Variants in KDM4C observed in about 807,000 individuals in gnomAD.
KDM4C encodes lysine-specific demethylase 4C.
KDM4C carries 81 observed loss-of-function variants against 129.3 expected under a neutral mutation model. The observed-to-expected ratio is 0.63, with a 90% CI of 0.52 to 0.75. The LOEUF is 0.75. KDM4C is among the 30% of genes least tolerant of loss of function. KDM4C has a pLI of 0.00. For missense variants in KDM4C, 1,457 were observed against 1,304.0 expected (o/e 1.12, Z -1.81); for synonymous variants, 573 against 456.1 (o/e 1.26, Z -3.26).
chr9:7,067,657 G>C (rs571006020), intron 17 of KDM4C, among the ~76,000 whole-genome samples: 3 of 152,140 alleles, frequency 2.0e-5, no homozygotes, highest in Non-Finnish European at 4.4e-5. Flanking sequence ...TCAAAGGCCT[G>C]TTGTTTTAGT....
At chr9:7,157,519 A>T (rs1185393976) in intron 19 of KDM4C, among the ~76,000 whole-genome samples, 1 of 152,162 alleles carries the variant, frequency 6.6e-6, no homozygotes, top group Non-Finnish European at 1.5e-5. Context: ...TTATTTTGAG[A>T]TACATGCCAT....
At chr9:6,773,660 G>T (rs920962222) in intron 1 of KDM4C, among the ~76,000 whole-genome samples, 3 of 151,810 alleles carry the variant, frequency 2.0e-5, no homozygotes, top group African/African-American at 7.3e-5. Context: ...AATCCCAGCT[G>T]CTCAGGTCGC....
chr9:7,016,940 A>G (rs1823807683), intron 15 of KDM4C, among the ~76,000 whole-genome samples: 2 of 151,882 alleles, frequency 1.3e-5, no homozygotes, highest in Non-Finnish European at 1.5e-5. Context: ...TCCAGTGTTT[A>G]TTTTTCTCTT....
At chr9:6,865,230 G>C (rs181047862) in intron 5 of KDM4C, among the ~76,000 whole-genome samples, 12 of 152,142 alleles carry the variant, frequency 7.9e-5, no homozygotes, top group South Asian at 4.1e-4. Flanking sequence ...GGATGGTCTC[G>C]ATCTCCTGAC....
intron 1 of KDM4C, among the ~76,000 whole-genome samples, chr9:6,773,854 G>T (rs1822426829): frequency 6.6e-6 from 1 of 151,500 alleles, no homozygotes; most frequent in African/African-American, 2.4e-5. Flanking sequence ...ACCTAGGCAA[G>T]TTATTTCCAT....
intron 18 of KDM4C, 188 bp downstream of exon 18, chr9:7,104,058 G>T: frequency 3.5e-6 from 2 of 575,592 alleles, no homozygotes; most frequent in Non-Finnish European, 6.2e-6. Flanking sequence ...GACCTGTCAA[G>T]TGCCTGGTGC....
intron 19 of KDM4C, among the ~76,000 whole-genome samples, chr9:7,153,627 G>C (rs1050938634): frequency 6.6e-6 from 1 of 152,182 alleles, no homozygotes; most frequent in Non-Finnish European, 1.5e-5. Context: ...TGTTAAGTGA[G>C]AGGTTTCTTT....
rs146153683 is a variant in KDM4C, at chr9:6,992,611, C to T, written c.1786+2087C>T. Among the ~76,000 whole-genome samples the T allele has an allele frequency of 2.6e-5, 4 of 152,250 alleles. No homozygotes were observed. In the East Asian group the frequency reaches 7.7e-4, roughly 29 times the overall value. On this transcript the variant is annotated intron_variant, in intron 12 of 21. Coordinates refer to ENST00000381309, the MANE Select transcript of KDM4C (RefSeq NM_015061.6). Reference sequence around the variant, plus strand: ...TACATCATTGGGAACTTGAATGTTACCTTAGCCATTTGCCTCTGTGTCTAT... The same window carrying T: ...TACATCATTGGGAACTTGAATGTTATCTTAGCCATTTGCCTCTGTGTCTAT...
chr9:6,752,441 G>C (rs960095808), intron 1 of KDM4C, among the ~76,000 whole-genome samples: 1 of 133,040 alleles, frequency 7.5e-6, no homozygotes, highest in Non-Finnish European at 1.6e-5. Context: ...GTGGAGTTTC[G>C]CTCTTGTTGC....
intron 2 of KDM4C, among the ~76,000 whole-genome samples, chr9:6,797,384 A>G (rs547827847): frequency 2.6e-5 from 4 of 152,352 alleles, no homozygotes; most frequent in African/African-American, 9.6e-5. Flanking sequence ...TTAGCTTCAG[A>G]TGACAGTCTG....
At chr9:6,722,588 A>G (rs1252826163) in intron 1 of KDM4C, among the ~76,000 whole-genome samples, 1 of 150,780 alleles carries the variant, frequency 6.6e-6, no homozygotes, top group East Asian at 1.9e-4. Flanking sequence ...ATCTCGGCTC[A>G]CTGCAACCTC....
At chr9:6,927,983 A>T (rs1369491221) in intron 8 of KDM4C, among the ~76,000 whole-genome samples, 1 of 152,190 alleles carries the variant, frequency 6.6e-6, no homozygotes, top group Non-Finnish European at 1.5e-5. Context: ...TCTTGAGAAC[A>T]TTCTTATCTT....
chr9:6,776,751 A>G (rs975510739), intron 1 of KDM4C, among the ~76,000 whole-genome samples: 2 of 151,516 alleles, frequency 1.3e-5, no homozygotes, highest in African/African-American at 4.8e-5. Context: ...ATAGGCACAT[A>G]CCACCACGCC....
At chr9:6,997,387 A>T (rs1819959034) in intron 12 of KDM4C, among the ~76,000 whole-genome samples, 2 of 152,238 alleles carry the variant, frequency 1.3e-5, no homozygotes, top group African/African-American at 4.8e-5. Flanking sequence ...TGGAAAACAA[A>T]ATCCAGAAAC....
intron 8 of KDM4C, among the ~76,000 whole-genome samples, chr9:6,899,542 G>GT (rs1554633823): frequency 0.011 from 1,677 of 150,148 alleles, 24 homozygotes; most frequent in African/African-American, 0.035. Flanking sequence ...TTTCCATGGG[G>GT]GTGTGTGTGT....
chr9:7,067,714 T>C (rs1205282079), intron 17 of KDM4C, among the ~76,000 whole-genome samples: 1 of 152,210 alleles, frequency 6.6e-6, no homozygotes, highest in African/African-American at 2.4e-5. Context: ...AAAACCGAAG[T>C]GTATAAAATC....
chr9:7,066,648 C>G (rs776035777), intron 17 of KDM4C, among the ~76,000 whole-genome samples: 5 of 152,108 alleles, frequency 3.3e-5, no homozygotes, highest in Non-Finnish European at 7.3e-5. Context: ...TTATTCAGAG[C>G]TCAGAGGAAA....
At chr9:6,749,315 G>C (rs1355965199) in intron 1 of KDM4C, among the ~76,000 whole-genome samples, 1 of 152,076 alleles carries the variant, frequency 6.6e-6, no homozygotes, top group Non-Finnish European at 1.5e-5. Flanking sequence ...TACCAAGCCT[G>C]GCCAGGAATC....
intron 8 of KDM4C, among the ~76,000 whole-genome samples, chr9:6,964,154 C>T (rs771485909): frequency 3.9e-5 from 6 of 152,122 alleles, no homozygotes; most frequent in South Asian, 4.1e-4. Flanking sequence ...GTTTGTTACA[C>T]ATGTATACAT....
Sources: gnomAD v4.1 joint callset for allele counts (sites outside exome capture counted in the v4.1 genomes callset) on GRCh38, gnomAD v4.1.1 for gene constraint, MANE v1.5 for transcripts, NCBI Gene and HGNC (gene_info 2026-07-23, HGNC 2026-07-21) for gene names.